SPATA13: variants seen among roughly 807,000 people sequenced by gnomAD.
The protein encoded by SPATA13 is spermatogenesis-associated protein 13.
A neutral mutation model predicts 104.0 loss-of-function variants in SPATA13; 50 were observed. The ratio of observed to expected loss-of-function variants is 0.48; its 90% CI spans 0.38 to 0.61. The LOEUF (loss-of-function observed/expected upper bound fraction) is 0.61, where lower values mean the gene tolerates loss of function less well. Ranked by LOEUF, SPATA13 falls within the 20% of genes least tolerant of loss-of-function variation. The probability of loss-of-function intolerance (pLI) is 0.00; values close to 1 mark genes in which losing one functional copy is unlikely to be tolerated. For synonymous variants in SPATA13, 606 were observed against 667.5 expected, an observed-to-expected ratio of 0.91 and a Z score of 1.42; for missense variants, 1,524 against 1,690.6, an observed-to-expected ratio of 0.90 and a Z score of 1.73.
chr13:24,188,113 G>GCCTCCCAAA (rs572770856), intron 1 of SPATA13, among the ~76,000 whole-genome samples: 583 of 152,256 alleles, frequency 3.8e-3, no homozygotes, highest in African/African-American at 0.013. Flanking sequence ...GGCCAAGGCG[G>GCCTCCCAAA]GCAGATTGCC....
chr13:24,133,181 TATACAGACCAG>T lies in SPATA13; in HGVS notation c.-111-89635_-111-89625del, dbSNP rs146861719. 4.0e-3 allele frequency among the ~76,000 whole-genome samples: 609 copies of T among 152,202 alleles called. 7 individuals carry two copies. In the East Asian group the frequency reaches 0.062, roughly 15 times the overall value. ...CCCAGTGGGATTAGACTGTGCAGCC[TATACAGACCAG>T]ATGATAGCACAGAGATCAAACTGCC... is the stretch of plus-strand genomic sequence containing the variant. On this transcript the variant is annotated intron_variant, in intron 3 of 14. Transcript: ENST00000424834.
At chr13:24,014,282 T>C (rs1021032195) in intron 2 of SPATA13, among the ~76,000 whole-genome samples, 2 of 152,126 alleles carry the variant, frequency 1.3e-5, no homozygotes, top group Admixed American at 1.3e-4. Context: ...TGGATTAGGC[T>C]CTCACCCTAA....
intron 3 of SPATA13, among the ~76,000 whole-genome samples, chr13:24,022,555 GTACTT>G (rs1309799106): frequency 6.6e-6 from 1 of 152,176 alleles, no homozygotes; most frequent in African/African-American, 2.4e-5. Context: ...GTGTGAAAAT[GTACTT>G]TACTGAGCTG....
intron 2 of SPATA13, among the ~76,000 whole-genome samples, chr13:24,227,018 T>C (rs1871982933): frequency 6.6e-6 from 1 of 152,212 alleles, no homozygotes; most frequent in Non-Finnish European, 1.5e-5. Context: ...TTTGAGCCTG[T>C]GGAGCAGTTG....
chr13:24,029,220 G>A lies in SPATA13; in HGVS notation c.-112+11519G>A, dbSNP rs75880505. Among the ~76,000 whole-genome samples, 1,359 of 152,256 alleles carry A rather than the reference G, an allele frequency of 8.9e-3. 22 individuals are homozygous for A. The highest frequency in any genetic ancestry group is 0.077 in the East Asian group (399 of 5,188). On this transcript the variant is annotated intron_variant, in intron 3 of 14. Transcript: ENST00000424834. ...CTTACAGGCATGTGCCAACACAGCC[G>A]GCCTCTGAAAATCTTTTCGTGGGAA...
At chr13:24,067,269 G>C (rs958701287) in intron 3 of SPATA13, among the ~76,000 whole-genome samples, 3 of 152,242 alleles carry the variant, frequency 2.0e-5, no homozygotes, top group African/African-American at 7.2e-5. Context: ...CCAGAATCCA[G>C]ATAGCAAATA....
intron 2 of SPATA13, among the ~76,000 whole-genome samples, chr13:23,985,942 C>G (rs1332144963): frequency 6.6e-6 from 1 of 152,070 alleles, no homozygotes; most frequent in Admixed American, 6.6e-5. Flanking sequence ...ACTAAGTATC[C>G]CCTGGATTAG....
chr13:24,051,270 A>G lies in SPATA13; in HGVS notation c.-112+33569A>G, dbSNP rs115039303. The stretch of plus-strand genomic sequence containing the variant: ...CATGAACAGCAGGAAGTGATTTCCA[A>G]TCACGTTGGACATGCTGTGCCTGCA... On this transcript the variant is annotated intron_variant, in intron 3 of 14. Coordinates refer to the SPATA13 transcript ENST00000424834. This position sits in a 1 kb window ranked among gnomAD's most constrained non-coding sequence, Gnocchi z 4.2. Among the ~76,000 whole-genome samples the G allele has an allele frequency of 0.012, 1,823 of 152,298 alleles. 50 individuals are homozygous for G. The highest frequency in any genetic ancestry group is 0.042 in the African/African-American group (1,752 of 41,564).
At chr13:24,000,614 A>G (rs957559599) in intron 2 of SPATA13, among the ~76,000 whole-genome samples, 2 of 152,316 alleles carry the variant, frequency 1.3e-5, no homozygotes, top group Middle Eastern at 6.8e-3. Context: ...AAGACGGCCC[A>G]AGAAGGATTC....
At chr13:24,288,173 C>G (rs186539953) in intron 7 of SPATA13, among the ~76,000 whole-genome samples, 3 of 152,222 alleles carry the variant, frequency 2.0e-5, no homozygotes, top group African/African-American at 7.2e-5. Flanking sequence ...CAGCATTCCC[C>G]CTGAGCAGGT....
In SPATA13 at chr13:24,025,992, A is replaced by G. The variant is rs141020387; in HGVS notation, c.-112+8291A>G. Among the ~76,000 whole-genome samples, 213 of 152,158 alleles carry G rather than the reference A, an allele frequency of 1.4e-3. 1 individual carries two copies. The highest frequency in any genetic ancestry group is 4.7e-3 in the African/African-American group (194 of 41,494). The stretch of plus-strand genomic sequence containing the variant: ...GCTAATTTTTGTATTTTTAATAGAG[A>G]TGGGGTTTCACCATGTTGGTCTGGC... On this transcript the variant is annotated intron_variant, in intron 3 of 14. Coordinates refer to the SPATA13 transcript ENST00000424834.
chr13:24,216,658 A>G (rs999134044), intron 1 of SPATA13, among the ~76,000 whole-genome samples: 7 of 152,164 alleles, frequency 4.6e-5, no homozygotes, highest in African/African-American at 1.7e-4. Context: ...TAAGGTATGT[A>G]TATTGGGGCT....
chr13:24,297,933 C>T (rs930784959), intron 11 of SPATA13, among the ~76,000 whole-genome samples, 198 bp downstream of exon 11: 4 of 152,206 alleles, frequency 2.6e-5, no homozygotes, highest in Admixed American at 2.6e-4. Flanking sequence ...TAGTTACTAC[C>T]GGCAACATTT....
intron 2 of SPATA13, among the ~76,000 whole-genome samples, chr13:24,014,062 C>G (rs1354623307): frequency 1.3e-5 from 2 of 152,156 alleles, no homozygotes; most frequent in Non-Finnish European, 1.5e-5. Flanking sequence ...AGTTGAGTGG[C>G]TTTGACAACA....
intron 3 of SPATA13, among the ~76,000 whole-genome samples, chr13:24,135,507 C>CT (rs1881531338): frequency 6.6e-6 from 1 of 152,072 alleles, no homozygotes; most frequent in South Asian, 2.1e-4. Context: ...ACCATCCTGG[C>CT]TAACACAGTG....
chr13:24,144,721 C>T (rs539813552), intron 3 of SPATA13, among the ~76,000 whole-genome samples: 1 of 151,988 alleles, frequency 6.6e-6, no homozygotes, highest in Non-Finnish European at 1.5e-5. Context: ...GCCAGCGTGG[C>T]GTAGTTGGTG....
intron 1 of SPATA13, among the ~76,000 whole-genome samples, chr13:24,195,921 ATTC>A (rs1248590021): frequency 6.6e-6 from 1 of 152,230 alleles, no homozygotes; most frequent in Non-Finnish European, 1.5e-5. Flanking sequence ...CTGGGGATGT[ATTC>A]TTAGGTACTA....
intron 1 of SPATA13, among the ~76,000 whole-genome samples, chr13:24,181,912 C>T (rs904994345): frequency 6.6e-6 from 1 of 152,030 alleles, no homozygotes; most frequent in Non-Finnish European, 1.5e-5. Context: ...GTCAGGAGTT[C>T]GAGACCAGCC....
rs11841500 is a variant in SPATA13, at chr13:24,041,067, T to C, written c.-112+23366T>C. Among the ~76,000 whole-genome samples the C allele has an allele frequency of 3.7e-3, 569 of 152,206 alleles. 2 individuals are homozygous for C. The highest frequency in any genetic ancestry group is 0.012 in the African/African-American group (512 of 41,516). The stretch of plus-strand genomic sequence containing the variant: ...CTGTGAAACAACAAATACAGCAAAA[T>C]CACAATGCCTGCCTGTGCTCTTATC... On this transcript the variant is annotated intron_variant, in intron 3 of 14. Transcript: ENST00000424834.
Sources: gnomAD v4.1 joint callset for allele counts (sites outside exome capture counted in the v4.1 genomes callset) on GRCh38, gnomAD v4.1.1 for gene constraint, Gnocchi (gnomAD v3.1) non-coding constraint, MANE v1.5 for transcripts, NCBI Gene and HGNC (gene_info 2026-07-23, HGNC 2026-07-21) for gene names.